NIN: variants seen among roughly 807,000 people sequenced by gnomAD.
The protein encoded by NIN is glycogen synthase kinase 3 beta-interacting protein.
NIN carries 137 observed loss-of-function variants against 257.6 expected under a neutral mutation model. The ratio of observed to expected loss-of-function variants is 0.53; its 90% CI spans 0.46 to 0.61. NIN has a LOEUF of 0.61. NIN is among the 20% of genes least tolerant of loss of function. NIN has a pLI of 0.00. For missense variants in NIN, 2,439 were observed against 2,501.2 expected (o/e 0.98, Z 0.53); for synonymous variants, 918 against 919.8 (o/e 1.00, Z 0.04).
chr14:50,772,264 T>G (rs1301737755), intron 9 of NIN, 37 bp downstream of exon 9: 1 of 1,548,346 alleles, frequency 6.5e-7, no homozygotes, highest in South Asian at 1.2e-5. Context: ...TCAACCCTTC[T>G]CCAGTTTGTC....
intron 22 of NIN, among the ~76,000 whole-genome samples, chr14:50,746,626 TTA>T (rs1595752858): frequency 1.3e-5 from 2 of 152,316 alleles, no homozygotes; most frequent in East Asian, 3.9e-4. Context: ...AATGAAAATT[TTA>T]TATGAGTGCC....
chr14:50,754,495 T>C, intron 20 of NIN, 68 bp downstream of exon 20: 1 of 1,290,472 alleles, frequency 7.7e-7, no homozygotes, highest in Non-Finnish European at 1.1e-6. Flanking sequence ...GCTGTAAATT[T>C]ATAAATTTCA....
chr14:50,784,150 ACTGT>A (rs2043247016), intron 5 of NIN, among the ~76,000 whole-genome samples: 1 of 152,206 alleles, frequency 6.6e-6, no homozygotes, highest in East Asian at 1.9e-4. Flanking sequence ...ACTGTAGAAC[ACTGT>A]CTGGGTTGTT....
chr14:50,818,005 C>CG (rs1448499716), intron 3 of NIN, among the ~76,000 whole-genome samples: 8 of 151,058 alleles, frequency 5.3e-5, no homozygotes, highest in African/African-American at 1.9e-4. Flanking sequence ...CGTGAGTCAC[C>CG]GTGCCTGGCC....
chr14:50,731,035 G>C, intron 28 of NIN: 1 of 897,922 alleles, frequency 1.1e-6, no homozygotes, highest in Non-Finnish European at 1.6e-6. Context: ...AATTACAGGA[G>C]TTAGAGAAAA....
At chr14:50,765,786 A>C (rs558423676) in intron 14 of NIN, among the ~76,000 whole-genome samples, 2 of 151,320 alleles carry the variant, frequency 1.3e-5, no homozygotes, top group South Asian at 4.2e-4. Context: ...TTAGATCTGC[A>C]ATGATCAATC....
At chr14:50,725,483 CATAAGCT>C (rs1209621508) in intron 30 of NIN, among the ~76,000 whole-genome samples, 1 of 152,072 alleles carries the variant, frequency 6.6e-6, no homozygotes, top group African/African-American at 2.4e-5. Context: ...TTGAGGTTTT[CATAAGCT>C]GTTGGGAACA....
intron 28 of NIN, among the ~76,000 whole-genome samples, chr14:50,730,338 T>C (rs1478772315): frequency 6.6e-6 from 1 of 152,182 alleles, no homozygotes; most frequent in Admixed American, 6.5e-5. Flanking sequence ...AATGGAAGTA[T>C]TCAAGACAAT....
intron 29 of NIN, chr14:50,727,775 C>T (rs1272720777): frequency 6.3e-6 from 9 of 1,418,144 alleles, no homozygotes; most frequent in Non-Finnish European, 8.6e-6. Flanking sequence ...GCAAGTAGTA[C>T]ACTTCACCCT....
chr14:50,816,712 C>T (rs1595931927), intron 3 of NIN, among the ~76,000 whole-genome samples: 2 of 152,216 alleles, frequency 1.3e-5, no homozygotes, highest in East Asian at 1.9e-4. Context: ...CAGGAAGCTA[C>T]TCATAAAAGT....
At chr14:50,816,912 T>C (rs1189647115) in intron 3 of NIN, among the ~76,000 whole-genome samples, 4 of 152,164 alleles carry the variant, frequency 2.6e-5, no homozygotes, top group Admixed American at 1.3e-4. Flanking sequence ...GACACAACGA[T>C]GTACTGTACA....
At chr14:50,728,542 C>G (rs368408674) in intron 29 of NIN, among the ~76,000 whole-genome samples, 1 of 152,264 alleles carries the variant, frequency 6.6e-6, no homozygotes, top group East Asian at 1.9e-4. Context: ...GACTGCAAAG[C>G]CACTTTGAGG....
intron 22 of NIN, 38 bp downstream of exon 22, chr14:50,747,954 T>C (rs2041624449): frequency 1.5e-6 from 2 of 1,358,538 alleles, no homozygotes; most frequent in South Asian, 2.3e-5. Flanking sequence ...CAGGTACATA[T>C]TGTTCTGTGA....
intron 4 of NIN, among the ~76,000 whole-genome samples, chr14:50,805,339 G>T (rs1456126639): frequency 6.6e-6 from 1 of 152,122 alleles, no homozygotes; most frequent in East Asian, 1.9e-4. Context: ...TCTAGCAGCG[G>T]TCACCTGTGG....
At chr14:50,740,375 G>T (rs1358260796) in intron 25 of NIN, among the ~76,000 whole-genome samples, 3 of 138,652 alleles carry the variant, frequency 2.2e-5, no homozygotes, top group African/African-American at 8.2e-5. Flanking sequence ...TTGAGACAAA[G>T]TCTAGCTCTG....
chr14:50,752,098 C>T (rs2041811920), intron 21 of NIN, among the ~76,000 whole-genome samples: 1 of 150,974 alleles, frequency 6.6e-6, no homozygotes, highest in Admixed American at 6.6e-5. Flanking sequence ...AGTTAAATAG[C>T]CTTTCTTTAC....
chr14:50,776,069 C>G (rs1056312699), intron 7 of NIN, among the ~76,000 whole-genome samples: 2 of 152,118 alleles, frequency 1.3e-5, no homozygotes, highest in African/African-American at 4.8e-5. Flanking sequence ...AATAATACCA[C>G]TTATCCCCCG....
intron 4 of NIN, among the ~76,000 whole-genome samples, chr14:50,801,004 G>C (rs1431943538): frequency 1.4e-5 from 2 of 147,180 alleles, no homozygotes; most frequent in Non-Finnish European, 3.0e-5. Flanking sequence ...TGCTGGTCTT[G>C]AACTCCTGAC....
At chr14:50,739,560 G>A in intron 25 of NIN, 73 bp from the exon 26 acceptor site, 2 of 1,434,614 alleles carry the variant, frequency 1.4e-6, no homozygotes, top group Non-Finnish European at 1.9e-6. Flanking sequence ...CAGGTGTCAT[G>A]TTTACCCAAT....
Sources: allele counts gnomAD v4.1 joint callset (sites outside exome capture counted in the v4.1 genomes callset), GRCh38; gene constraint gnomAD v4.1.1; transcripts MANE v1.5; gene names NCBI Gene and HGNC (gene_info 2026-07-23, HGNC 2026-07-21).